The following POLA1 variants were observed in gnomAD, a reference collection of about 807,000 sequenced individuals.
POLA1 encodes the protein DNA polymerase alpha catalytic subunit.
In POLA1, 15 loss-of-function variants were observed where a neutral mutation model predicts 124.0. The observed-to-expected ratio is 0.12, with a 90% CI of 0.08 to 0.19. The LOEUF (loss-of-function observed/expected upper bound fraction) is 0.19, where lower values mean the gene tolerates loss of function less well. Among genes scored for constraint, POLA1 ranks in the 10% least tolerant of loss-of-function variants. The pLI, the probability that POLA1 is intolerant of heterozygous loss-of-function variation, is 1.00. For synonymous variants in POLA1, 408 were observed against 389.4 expected (o/e 1.05, Z -0.56); for missense variants, 886 against 1,103.4 (o/e 0.80, Z 2.79).
chrX:24,725,558 C>T (rs892534013), intron 12 of POLA1, among the ~76,000 whole-genome samples: 2 of 110,888 alleles, frequency 1.8e-5, no homozygotes, highest in East Asian at 2.8e-4. Context: ...CAAGAGTTGC[C>T]GGAAGGGTTA....
chrX:24,886,696 T>G (rs1288081030), intron 34 of POLA1, among the ~76,000 whole-genome samples: 3 of 111,912 alleles, frequency 2.7e-5, no homozygotes, highest in Non-Finnish European at 3.8e-5. Flanking sequence ...GAACCAACAC[T>G]CATGTATATA....
chrX:24,913,960 G>A (rs1304600983), intron 35 of POLA1, among the ~76,000 whole-genome samples: 3 of 110,627 alleles, frequency 2.7e-5, no homozygotes, highest in Admixed American at 9.7e-5. Flanking sequence ...CCCAGGAGGC[G>A]GAGGTTGCAG....
At position 24,824,324 on chromosome X, in the gene POLA1, G is replaced by T. The variant is rs113443445; in HGVS notation, c.3562-2103G>T. On this transcript the variant is annotated intron_variant, in intron 31 of 36. Transcript: ENST00000379068. ...TTTTTTAATTTTGAGACAGGGTCTC[G>T]CTCTGTCACTCAGGCAAGAGTGCAG... Among the ~76,000 whole-genome samples the T allele has an allele frequency of 7.5e-3, 822 of 110,210 alleles. 5 individuals are homozygous for T. The highest frequency in any genetic ancestry group is 0.025 in the African/African-American group (764 of 30,251).
chrX:24,861,753 A>C (rs1285052364), intron 34 of POLA1, among the ~76,000 whole-genome samples: 1 of 112,458 alleles, frequency 8.9e-6, no homozygotes, highest in East Asian at 2.8e-4. Flanking sequence ...CATGATGTCT[A>C]ACCGTTACCT....
intron 30 of POLA1, among the ~76,000 whole-genome samples, chrX:24,816,433 G>A (rs1303365133): frequency 8.9e-6 from 1 of 111,991 alleles, no homozygotes; most frequent in East Asian, 2.8e-4. Context: ...CCTTGACTAT[G>A]GCATCCTTAA....
At chrX:24,709,271 C>G (rs1395316826) in intron 4 of POLA1, among the ~76,000 whole-genome samples, 33 of 76,623 alleles carry the variant, frequency 4.3e-4, no homozygotes, top group African/African-American at 1.9e-3. Context: ...TCCCGGACGG[C>G]ACGGCTGGCC....
At chrX:24,742,527 T>A (rs1248372262) in intron 22 of POLA1, among the ~76,000 whole-genome samples, 1 of 112,436 alleles carries the variant, frequency 8.9e-6, no homozygotes, top group Non-Finnish European at 1.9e-5. Context: ...TCACCCACAG[T>A]CAGGTTTCTG....
intron 35 of POLA1, among the ~76,000 whole-genome samples, chrX:24,909,875 A>G (rs895404724): frequency 1.8e-5 from 2 of 110,098 alleles, no homozygotes; most frequent in Non-Finnish European, 3.8e-5. Context: ...TGAGCATGGA[A>G]TGTTCTTCCA....
At chrX:24,857,197 A>T (rs1327013619) in intron 34 of POLA1, among the ~76,000 whole-genome samples, 2 of 111,521 alleles carry the variant, frequency 1.8e-5, no homozygotes, top group Non-Finnish European at 3.8e-5. Flanking sequence ...TCTTCCACTG[A>T]ATTGCTTTTG....
chrX:24,730,714 A>G lies in POLA1; in HGVS notation c.1687-1656A>G, dbSNP rs758316374. ...CAGGAATCAACTTGAAGAGTCTTCT[A>G]CTGAACAAAGATGGGACAATGTGAG... On this transcript the variant is annotated intron_variant, in intron 15 of 36. Coordinates refer to ENST00000379068, the MANE Select transcript of POLA1 (RefSeq NM_001330360.2). Among the ~76,000 whole-genome samples, 14 of 112,580 alleles carry G rather than the reference A, an allele frequency of 1.2e-4. No individual in the cohort carries two copies. In the East Asian group the frequency reaches 2.5e-3, roughly 20 times the overall value.
intron 30 of POLA1, among the ~76,000 whole-genome samples, chrX:24,819,947 G>C (rs1043322417): frequency 4.5e-5 from 5 of 111,289 alleles, no homozygotes; most frequent in Non-Finnish European, 9.4e-5. Context: ...GAGGATGATG[G>C]TTTCCAGCTT....
At chrX:24,913,958 G>T (rs767854361) in intron 35 of POLA1, among the ~76,000 whole-genome samples, 3 of 109,481 alleles carry the variant, frequency 2.7e-5, no homozygotes, top group Admixed American at 2.0e-4. Flanking sequence ...AACCCAGGAG[G>T]CGGAGGTTGC....
At chrX:24,722,733 T>C (rs1284886153) in intron 10 of POLA1, among the ~76,000 whole-genome samples, 1 of 104,167 alleles carries the variant, frequency 9.6e-6, no homozygotes, top group Non-Finnish European at 1.9e-5. Flanking sequence ...CTTTTTTTTT[T>C]CTTGAGACAG....
chrX:24,960,505 A>T (rs2048157307), intron 36 of POLA1, among the ~76,000 whole-genome samples: 1 of 111,634 alleles, frequency 9.0e-6, no homozygotes, highest in African/African-American at 3.3e-5. Flanking sequence ...TATCAGAAAG[A>T]TTCGATGGAA....
chrX:24,736,350 A>G (rs891732178), intron 18 of POLA1, among the ~76,000 whole-genome samples: 1 of 111,785 alleles, frequency 8.9e-6, no homozygotes, highest in East Asian at 2.8e-4. Flanking sequence ...TTCAAGACCT[A>G]TCTTTAAAGT....
At chrX:24,956,924 T>C (rs2048113241) in intron 36 of POLA1, among the ~76,000 whole-genome samples, 1 of 111,703 alleles carries the variant, frequency 9.0e-6, no homozygotes, top group Non-Finnish European at 1.9e-5. Flanking sequence ...AGCCATGAAC[T>C]AAAATTAATA....
intron 34 of POLA1, among the ~76,000 whole-genome samples, chrX:24,845,260 A>G (rs1041354851): frequency 1.8e-5 from 2 of 111,446 alleles, no homozygotes; most frequent in Admixed American, 9.5e-5. Context: ...TTTGCCAGCC[A>G]TCTCACTAAC....
At position 24,743,288 on chromosome X, in the gene POLA1, A is replaced by C. The variant is rs755449604; in HGVS notation, c.2525A>C (p.Lys842Thr). 1 of 1,179,858 alleles carries C rather than the reference A, an allele frequency of 8.5e-7. No individual in the cohort carries two copies. Among genetic ancestry groups the C allele is most frequent in the Non-Finnish European group, 1.1e-6 (1 of 870,540 alleles). The change falls in exon 23 of 37, where the codon AAA (lysine) becomes ACA (threonine). Residue 842 changes from lysine to threonine, a missense_variant. Transcript: ENST00000379068. ...AATAAATACAAGAAAGGACGTAAGA[A>C]AGCAGCTTATGCTGGAGGCTTGGTT... ...DTNKYKKGRK[K>T]AAYAGGLVLD...
intron 34 of POLA1, among the ~76,000 whole-genome samples, chrX:24,884,541 T>G (rs1273145696): frequency 8.9e-6 from 1 of 112,395 alleles, no homozygotes; most frequent in Non-Finnish European, 1.9e-5. Flanking sequence ...TTAAATAAAA[T>G]GTACTTTACA....
Sources: allele counts gnomAD v4.1 joint callset (sites outside exome capture counted in the v4.1 genomes callset), GRCh38; gene constraint gnomAD v4.1.1; transcripts MANE v1.5; gene names NCBI Gene and HGNC (gene_info 2026-07-23, HGNC 2026-07-21).